KIF26B: variants seen among roughly 807,000 people sequenced by gnomAD.
KIF26B encodes kinesin family member 26B.
Under a neutral mutation model 151.2 loss-of-function variants are expected in KIF26B, and 63 were observed. The observed-to-expected ratio is 0.42, with a 90% CI of 0.34 to 0.51. KIF26B has a LOEUF of 0.51. KIF26B is among the 20% of genes least tolerant of loss of function. The probability of loss-of-function intolerance (pLI) is 0.07; values close to 1 mark genes in which losing one functional copy is unlikely to be tolerated. For missense variants in KIF26B, 2,813 were observed against 2,913.6 expected (o/e 0.97, Z 0.79); for synonymous variants, 1,357 against 1,262.1 (o/e 1.08, Z -1.59).
chr1:245,174,660 CCA>C (rs1299780955), intron 2 of KIF26B, among the ~76,000 whole-genome samples: 2 of 152,148 alleles, frequency 1.3e-5, no homozygotes, highest in African/African-American at 4.8e-5. Flanking sequence ...GCATGTGCCA[CCA>C]CACCTGGCCC....
At chr1:245,473,622 A>G (rs1003033074) in intron 4 of KIF26B, among the ~76,000 whole-genome samples, 3 of 152,070 alleles carry the variant, frequency 2.0e-5, no homozygotes, top group Admixed American at 6.5e-5. Flanking sequence ...AGAACCACTC[A>G]GTGCCCGCAA....
intron 4 of KIF26B, among the ~76,000 whole-genome samples, chr1:245,478,707 G>A (rs1660097960): frequency 6.6e-6 from 1 of 151,620 alleles, no homozygotes. Flanking sequence ...GAGCCACCGC[G>A]CCCGGCCCTG....
chr1:245,637,437 C>A (rs976581267), intron 9 of KIF26B, among the ~76,000 whole-genome samples: 2 of 151,956 alleles, frequency 1.3e-5, no homozygotes. Flanking sequence ...AAATAATTTG[C>A]AAATATTTTC....
At chr1:245,157,591 C>T (rs1668468055) in intron 2 of KIF26B, among the ~76,000 whole-genome samples, 1 of 152,242 alleles carries the variant, frequency 6.6e-6, no homozygotes. Flanking sequence ...TATGCAGATA[C>T]ACACGTTGAT....
At chr1:245,197,386 G>A (rs151146165) in intron 2 of KIF26B, among the ~76,000 whole-genome samples, 3 of 152,292 alleles carry the variant, frequency 2.0e-5, no homozygotes, top group African/African-American at 7.2e-5. Flanking sequence ...GGCAGGGCAG[G>A]CTTCGTTCCC....
chr1:245,341,592 G>A (rs1343126587), intron 2 of KIF26B, among the ~76,000 whole-genome samples: 1 of 152,186 alleles, frequency 6.6e-6, no homozygotes, highest in Non-Finnish European at 1.5e-5. Context: ...AAAGTGCTGG[G>A]ATTCCAGGAG....
In KIF26B at chr1:245,319,311, G is replaced by A. The variant is rs551320371; in HGVS notation, c.466-47523G>A. Among the ~76,000 whole-genome samples the A allele has an allele frequency of 8.5e-5, 13 of 152,310 alleles. No individual in the cohort carries two copies. In the South Asian group the frequency reaches 2.1e-3, roughly 24 times the overall value. ...TCATTTAGCATAAATAACAGCCTGCGGAAGAGTGGGTGACAATGTGGCATT... is the reference window on the plus strand; with the variant it reads ...TCATTTAGCATAAATAACAGCCTGCAGAAGAGTGGGTGACAATGTGGCATT... On this transcript the variant is annotated intron_variant, in intron 2 of 14. Transcript: ENST00000407071.
intron 2 of KIF26B, among the ~76,000 whole-genome samples, chr1:245,316,636 G>T (rs1671781940): frequency 6.6e-6 from 1 of 151,896 alleles, no homozygotes; most frequent in South Asian, 2.1e-4. Context: ...CATTTATAAA[G>T]TAACAATTCA....
intron 2 of KIF26B, among the ~76,000 whole-genome samples, chr1:245,298,177 G>A (rs988199709): frequency 7.2e-5 from 11 of 152,062 alleles, no homozygotes; most frequent in Non-Finnish European, 1.3e-4. Flanking sequence ...ATGAGCCACC[G>A]CGCCCAGCCC....
intron 2 of KIF26B, among the ~76,000 whole-genome samples, chr1:245,285,556 G>C (rs529401948): frequency 1.3e-5 from 2 of 150,710 alleles, no homozygotes; most frequent in African/African-American, 4.9e-5. Context: ...TTTCCTGAGG[G>C]TTTGATTTAT....
At chr1:245,604,098 G>A (rs1037798348) in intron 6 of KIF26B, among the ~76,000 whole-genome samples, 4 of 152,150 alleles carry the variant, frequency 2.6e-5, no homozygotes, top group Admixed American at 6.5e-5. Context: ...AGGGACAGAC[G>A]TGTAGAACTG....
chr1:245,661,472 T>C (rs762194152), intron 10 of KIF26B, among the ~76,000 whole-genome samples: 3 of 151,828 alleles, frequency 2.0e-5, no homozygotes, highest in Non-Finnish European at 4.4e-5. Flanking sequence ...ATGATTTACA[T>C]ACACTCACAT....
intron 2 of KIF26B, among the ~76,000 whole-genome samples, chr1:245,365,568 A>G (rs1672929407): frequency 6.7e-6 from 1 of 149,002 alleles, no homozygotes; most frequent in South Asian, 2.1e-4. Context: ...TGGGGCTTCT[A>G]CCCCATGCAA....
intron 2 of KIF26B, among the ~76,000 whole-genome samples, chr1:245,306,133 A>T (rs1671535862): frequency 6.6e-6 from 1 of 152,154 alleles, no homozygotes; most frequent in South Asian, 2.1e-4. Context: ...ATAGCCCCCA[A>T]ATAGAAACAA....
Position 245,562,050 on chromosome 1 carries a change from A to C in KIF26B, c.1350+21100A>C, listed in dbSNP as rs190139275. Among the ~76,000 whole-genome samples the C allele has an allele frequency of 2.7e-3, 416 of 152,164 alleles. 1 individual carries two copies. The highest frequency in any genetic ancestry group is 9.4e-3 in the African/African-American group (392 of 41,520). On this transcript the variant is annotated intron_variant, in intron 5 of 14. Transcript: ENST00000407071. ...TTCATACCCAGATGACCTGGGGGGC[A>C]TCTTCAGTGTGTGCAGATCAGACTC...
At position 245,667,679 on chromosome 1, in the gene KIF26B, T is replaced by C. The variant is rs142123132; in HGVS notation, c.2259-16554T>C. On this transcript the variant is annotated intron_variant, in intron 10 of 14. Coordinates refer to ENST00000407071, the MANE Select transcript of KIF26B (RefSeq NM_018012.4). The surrounding 1 kb of genome is among the most constrained non-coding windows in gnomAD (Gnocchi z 4.3). ...CTATACAGGAAGAAGAGAAGTGGCA[T>C]CTGCCCATCCTACGCAGTTCTCCAG... Among the ~76,000 whole-genome samples the C allele has an allele frequency of 5.3e-3, 804 of 152,324 alleles. 3 individuals carry two copies. Among genetic ancestry groups the C allele is most frequent in the Non-Finnish European group, 9.0e-3 (615 of 68,022 alleles).
intron 5 of KIF26B, among the ~76,000 whole-genome samples, chr1:245,566,501 C>T (rs1289367527): frequency 6.6e-6 from 1 of 152,154 alleles, no homozygotes; most frequent in African/African-American, 2.4e-5. Context: ...TGCACAAATG[C>T]CAAACAAATA....
At chr1:245,527,659 G>C (rs942396702) in intron 4 of KIF26B, among the ~76,000 whole-genome samples, 1 of 147,376 alleles carries the variant, frequency 6.8e-6, no homozygotes, top group African/African-American at 2.5e-5. Context: ...TCAGCCTCCC[G>C]AGTAGCTGGG....
chr1:245,623,135 A>T (rs141590451), intron 9 of KIF26B, among the ~76,000 whole-genome samples: 1 of 148,474 alleles, frequency 6.7e-6, no homozygotes, highest in African/African-American at 2.5e-5. Flanking sequence ...ATGTTTTATC[A>T]TATGTATATG....
Sources: gnomAD v4.1 joint callset for allele counts (sites outside exome capture counted in the v4.1 genomes callset) on GRCh38, gnomAD v4.1.1 for gene constraint, Gnocchi (gnomAD v3.1) non-coding constraint, MANE v1.5 for transcripts, NCBI Gene and HGNC (gene_info 2026-07-23, HGNC 2026-07-21) for gene names.